Variants in TFDP2 observed in about 807,000 individuals in gnomAD.
The protein encoded by TFDP2 is transcription factor Dp-2 (E2F dimerization partner 2).
Under a neutral mutation model 59.3 loss-of-function variants are expected in TFDP2, and 17 were observed. The ratio of observed to expected loss-of-function variants is 0.29; its 90% confidence interval spans 0.20 to 0.43. The LOEUF (loss-of-function observed/expected upper bound fraction) is 0.43, where lower values mean the gene tolerates loss of function less well. Ranked by LOEUF, TFDP2 falls within the 20% of genes least tolerant of loss-of-function variation. TFDP2 has a pLI of 1.00. For missense variants in TFDP2, 391 were observed against 528.8 expected (o/e 0.74, Z 2.56); for synonymous variants, 180 against 194.7 (o/e 0.92, Z 0.63).
intron 7 of TFDP2, among the ~76,000 whole-genome samples, chr3:141,977,416 A>C (rs1440954719): frequency 6.6e-6 from 1 of 151,340 alleles, no homozygotes; most frequent in Non-Finnish European, 1.5e-5. Context: ...AAAAAAAAAA[A>C]AAAAAGATAA....
chr3:141,987,649 C>G (rs143017791), intron 6 of TFDP2, among the ~76,000 whole-genome samples: 2 of 147,888 alleles, frequency 1.4e-5, no homozygotes, highest in African/African-American at 2.5e-5. Flanking sequence ...TCTTCTCGGC[C>G]GGGTGCGGTG....
chr3:142,092,929 T>A (rs2061045758), intron 3 of TFDP2, 132 bp downstream of exon 3: 1 of 604,302 alleles, frequency 1.7e-6, no homozygotes, highest in Non-Finnish European at 2.7e-6. Flanking sequence ...CAGCACAAGT[T>A]ATGTGGCATG....
chr3:142,019,695 T>C (rs1945444285), intron 3 of TFDP2, among the ~76,000 whole-genome samples: 1 of 151,328 alleles, frequency 6.6e-6, no homozygotes, highest in Admixed American at 6.6e-5. Flanking sequence ...CATTTTAAAT[T>C]ATAAATCCTT....
intron 1 of TFDP2, among the ~76,000 whole-genome samples, chr3:142,109,452 C>G (rs906238568): frequency 2.0e-5 from 3 of 152,064 alleles, no homozygotes; most frequent in African/African-American, 7.2e-5. Context: ...CCTCAGCCTC[C>G]CAAGTAGCTG....
At chr3:142,138,168 G>A (rs1214157978) in intron 1 of TFDP2, among the ~76,000 whole-genome samples, 3 of 152,188 alleles carry the variant, frequency 2.0e-5, no homozygotes, top group Non-Finnish European at 4.4e-5. Context: ...GCGTAGAGGT[G>A]TTTATAGTAT....
At chr3:142,105,369 C>A (rs1029160527) in intron 1 of TFDP2, among the ~76,000 whole-genome samples, 1 of 152,148 alleles carries the variant, frequency 6.6e-6, no homozygotes, top group Non-Finnish European at 1.5e-5. Context: ...ATGGGCTAAC[C>A]ATATCACAGA....
intron 3 of TFDP2, among the ~76,000 whole-genome samples, chr3:142,051,364 C>T (rs1187112480): frequency 9.2e-5 from 14 of 152,122 alleles, no homozygotes; most frequent in Admixed American, 8.5e-4. Context: ...TGTGGTGAAA[C>T]CTCATCTCTA....
chr3:141,967,169 C>T (rs1414311582), intron 9 of TFDP2, among the ~76,000 whole-genome samples: 1 of 151,864 alleles, frequency 6.6e-6, no homozygotes, highest in Non-Finnish European at 1.5e-5. Context: ...CCCACCTCGG[C>T]CTCCCCAAGT....
At chr3:141,973,347 G>C (rs1022051515) in intron 8 of TFDP2, among the ~76,000 whole-genome samples, 2 of 151,838 alleles carry the variant, frequency 1.3e-5, no homozygotes, top group African/African-American at 4.8e-5. Context: ...CCAAAGTGCT[G>C]GGATTACAGG....
intron 1 of TFDP2, chr3:142,145,328 C>T (rs2063130813): frequency 6.6e-6 from 1 of 151,944 alleles, no homozygotes; most frequent in African/African-American, 2.4e-5. Flanking sequence ...ATGTAGTACT[C>T]GTGTTCAAAA....
chr3:142,123,229 G>T (rs1012668688), intron 1 of TFDP2, among the ~76,000 whole-genome samples: 1 of 152,130 alleles, frequency 6.6e-6, no homozygotes, highest in African/African-American at 2.4e-5. Flanking sequence ...CCACCTCCTG[G>T]GTTCAAGTGA....
rs779331711 is a variant in TFDP2 at position 141,963,885 on chromosome 3, T to C, written c.811A>G (p.Thr271Ala). 1.7e-5 allele frequency: 27 copies of C among 1,613,652 alleles called. No individual in the cohort carries two copies. The highest frequency in any genetic ancestry group is 1.6e-4 in the Middle Eastern group (1 of 6,084). The change falls in exon 10 of 13, where the codon ACC becomes GCC. Residue 271 changes from threonine (T) to alanine (A), a missense_variant. By Grantham distance (58) the Thr-to-Ala change is moderately conservative (BLOSUM62 0). Coordinates refer to ENST00000489671, the MANE Select transcript of TFDP2 (RefSeq NM_001178139.2). ...QNQGPPALNS[T>A]IQLPFIIINT... The stretch of plus-strand genomic sequence containing the variant: ...ATGATTATGAATGGCAGCTGAATGG[T>C]AGAGTTCAGAGCCGGCGGGCCCTGG...
chr3:142,056,693 A>T (rs2059759705), intron 3 of TFDP2, among the ~76,000 whole-genome samples: 1 of 152,186 alleles, frequency 6.6e-6, no homozygotes, highest in African/African-American at 2.4e-5. Flanking sequence ...ACCCTGAAAA[A>T]GTATGTTATT....
intron 3 of TFDP2, among the ~76,000 whole-genome samples, chr3:142,059,269 G>A (rs527606689): frequency 6.6e-6 from 1 of 152,064 alleles, no homozygotes; most frequent in Non-Finnish European, 1.5e-5. Context: ...TACCACATAT[G>A]GTTAAGATTT....
intron 3 of TFDP2, among the ~76,000 whole-genome samples, chr3:142,052,527 C>T (rs1947688633): frequency 2.0e-5 from 3 of 151,518 alleles, no homozygotes; most frequent in South Asian, 2.1e-4. Context: ...GGCGACTGAG[C>T]GAGACTCTGT....
chr3:142,006,607 C>A (rs1433429566), intron 3 of TFDP2, among the ~76,000 whole-genome samples: 1 of 151,596 alleles, frequency 6.6e-6, no homozygotes, highest in African/African-American at 2.4e-5. Context: ...TGGCTGACAC[C>A]ACAGGCATGC....
At chr3:142,054,021 A>C (rs973364190) in intron 3 of TFDP2, 2 of 152,188 alleles carry the variant, frequency 1.3e-5, no homozygotes, top group Non-Finnish European at 2.9e-5. Flanking sequence ...GGGCACTAGA[A>C]CTCTCATACA....
chr3:141,963,960 T>A lies in TFDP2; in HGVS notation c.736A>T (p.Ile246Phe). ...AQLQELLLQQ[I>F]AFKNLVQRNR... ...CTCTGTACCAGGTTTTTGAAAGCGA[T>A]TTGCTGTAATGATCAATAAAAACAA... Residue 246 changes from isoleucine to phenylalanine, a missense_variant, in exon 10 of 13, where the codon ATC becomes TTC. Coordinates refer to ENST00000489671, the MANE Select transcript of TFDP2 (RefSeq NM_001178139.2). The A allele has an allele frequency of 6.2e-7, 1 of 1,613,050 alleles. No individual in the cohort carries two copies. The highest frequency in any genetic ancestry group is 8.5e-7 in the Non-Finnish European group (1 of 1,179,744).
intron 3 of TFDP2, among the ~76,000 whole-genome samples, chr3:142,062,373 A>T (rs563880305): frequency 7.4e-6 from 1 of 135,538 alleles, no homozygotes; most frequent in African/African-American, 2.9e-5. Flanking sequence ...CTGTATATAT[A>T]CACATATATA....
Sources: allele counts gnomAD v4.1 joint callset (sites outside exome capture counted in the v4.1 genomes callset), GRCh38; gene constraint gnomAD v4.1.1; transcripts MANE v1.5; gene names NCBI Gene and HGNC (gene_info 2026-07-23, HGNC 2026-07-21).